EIF3J: variants seen among roughly 807,000 people sequenced by gnomAD.
The protein encoded by EIF3J is eukaryotic translation initiation factor 3, subunit 1 (alpha, 35kD).
In EIF3J, 15 loss-of-function variants were observed where a neutral mutation model predicts 39.0. The observed-to-expected ratio is 0.38, with a 90% CI of 0.26 to 0.59. The LOEUF is 0.59. Among genes scored for constraint, EIF3J ranks in the 20% least tolerant of loss-of-function variants. The probability of loss-of-function intolerance (pLI) is 0.60; values close to 1 mark genes in which losing one functional copy is unlikely to be tolerated. For missense variants in EIF3J, 226 were observed against 308.6 expected (o/e 0.73, Z 2.00); for synonymous variants, 98 against 112.9 (o/e 0.87, Z 0.84).
At chr15:44,542,309 G>A (rs138777671) in intron 2 of EIF3J, among the ~76,000 whole-genome samples, 1 of 151,562 alleles carries the variant, frequency 6.6e-6, no homozygotes, top group African/African-American at 2.4e-5. Context: ...GAACTGCACA[G>A]CTTACAGAAC....
chr15:44,544,097 TC>T (rs1422928876), intron 2 of EIF3J, among the ~76,000 whole-genome samples: 1 of 9,632 alleles, frequency 1.0e-4, no homozygotes, highest in African/African-American at 4.9e-4. Flanking sequence ...TCTTTTCTTT[TC>T]TTTTTTTTTT....
intron 5 of EIF3J, among the ~76,000 whole-genome samples, chr15:44,556,456 C>T (rs909787953): frequency 2.0e-5 from 3 of 151,934 alleles, no homozygotes; most frequent in African/African-American, 7.3e-5. Context: ...ATCCTCCCAC[C>T]TCAGCCTCCC....
intron 5 of EIF3J, among the ~76,000 whole-genome samples, chr15:44,556,731 C>T (rs939219163): frequency 5.9e-5 from 9 of 152,194 alleles, no homozygotes; most frequent in East Asian, 5.8e-4. Context: ...GCTTGTCTCT[C>T]GGACTCCTGA....
intron 4 of EIF3J, among the ~76,000 whole-genome samples, chr15:44,554,270 G>A (rs888851871): frequency 1.3e-5 from 2 of 151,572 alleles, no homozygotes; most frequent in Non-Finnish European, 2.9e-5. Context: ...CCAGCTACTC[G>A]GGAGGCTGAG....
chr15:44,546,365 CTGTA>C (rs2082052907), intron 2 of EIF3J, among the ~76,000 whole-genome samples: 1 of 152,146 alleles, frequency 6.6e-6, no homozygotes, highest in Non-Finnish European at 1.5e-5. Context: ...TGCTTGCAGA[CTGTA>C]TGACAGCCTT....
chr15:44,548,160 G>A (rs1432266863), intron 2 of EIF3J, among the ~76,000 whole-genome samples: 6 of 152,174 alleles, frequency 3.9e-5, no homozygotes, highest in African/African-American at 2.4e-5. Context: ...GGTGGCTCAC[G>A]CCTGCAATCC....
At chr15:44,548,241 C>T (rs1037235292) in intron 2 of EIF3J, among the ~76,000 whole-genome samples, 3 of 152,068 alleles carry the variant, frequency 2.0e-5, no homozygotes, top group African/African-American at 7.2e-5. Context: ...ATGGAGAAAC[C>T]CCGTCTCTAC....
rs576335223 is a variant in EIF3J at position 44,539,980 on chromosome 15, C to T, written c.147+2553C>T. On this transcript the variant is annotated intron_variant, in intron 2 of 7. Transcript: ENST00000261868. ...TTTGAGATAGAGTCTTGCTCTGTCA[C>T]CCAGGCTGGAGTGCCGTGGCACGAT... Among the ~76,000 whole-genome samples, 30 of 147,612 alleles carry T rather than the reference C, an allele frequency of 2.0e-4. No homozygotes were observed. The East Asian group carries it at 5.1e-3, about 25-fold the overall frequency.
chr15:44,557,377 CCTGCTTTAG>C, intron 5 of EIF3J, 103 bp from the exon 6 acceptor site: 1 of 754,238 alleles, frequency 1.3e-6, no homozygotes, highest in South Asian at 4.4e-5. Flanking sequence ...GTTCAGAGCC[CCTGCTTTAG>C]AATGAAACGA....
chr15:44,557,888 T>C (rs1050941076), intron 6 of EIF3J: 2 of 265,454 alleles, frequency 7.5e-6, no homozygotes, highest in Non-Finnish European at 1.4e-5. Context: ...CCCTAAGAGA[T>C]ACCTGGGCTT....
At chr15:44,546,816 C>CGTTTTTTTTTTTTTTTTTTTT (rs2082056503) in intron 2 of EIF3J, among the ~76,000 whole-genome samples, 1 of 78,870 alleles carries the variant, frequency 1.3e-5, no homozygotes, top group African/African-American at 5.1e-5. Context: ...GAGTATAGAT[C>CGTTTTTTTTTTTTTTTTTTTT]TTTTTTTTTT....
chr15:44,554,662 C>G lies in EIF3J; in HGVS notation c.404C>G (p.Thr135Ser). The G allele has an allele frequency of 8.1e-6, 13 of 1,606,632 alleles. No individual in the cohort carries two copies. The highest frequency in any genetic ancestry group is 1.1e-5 in the Non-Finnish European group (13 of 1,175,586). ...TCAGACCTCGAATTAGCAAAGGAAACTTTTGGTAAGACGGGATTATGATTG... is the reference window on the plus strand; with the variant it reads ...TCAGACCTCGAATTAGCAAAGGAAAGTTTTGGTAAGACGGGATTATGATTG... Reference protein sequence around the residue: ...EESDLELAKETFGVNNAVYGI... With the variant: ...EESDLELAKESFGVNNAVYGI... Residue 135 changes from threonine to serine, a missense_variant, in exon 5 of 8, where the codon ACT (threonine) becomes AGT (serine). Physicochemically the swap from Thr to Ser is moderately conservative, Grantham distance 58. This residue lies in a region of EIF3J where 83 missense variants were observed against 152.6 expected (regional missense o/e 0.54). Coordinates refer to ENST00000261868, the MANE Select transcript of EIF3J (RefSeq NM_003758.4).
intron 4 of EIF3J, among the ~76,000 whole-genome samples, chr15:44,552,170 G>C (rs2082104832): frequency 6.6e-6 from 1 of 152,034 alleles, no homozygotes; most frequent in South Asian, 2.1e-4. Context: ...TATAAAAATT[G>C]TTCATTTCTG....
Position 44,540,108 on chromosome 15 carries a change from T to G in EIF3J, c.147+2681T>G, listed in dbSNP as rs1352156302. ...CGCCCACCACCACACCCAGCTAATT[T>G]TTGTATTTTTAGTAGAGACGGGGTT... On this transcript the variant is annotated intron_variant, in intron 2 of 7. Transcript: ENST00000261868. Among the ~76,000 whole-genome samples, 5 of 150,498 alleles carry G rather than the reference T, an allele frequency of 3.3e-5. No individual in the cohort carries two copies. The East Asian group carries it at 5.8e-4, about 18-fold the overall frequency.
intron 5 of EIF3J, 30 bp downstream of exon 5, chr15:44,554,697 A>G: frequency 1.4e-6 from 2 of 1,440,806 alleles, no homozygotes; most frequent in East Asian, 2.3e-5. Context: ...GCAATACAGT[A>G]TTAAACTGTT....
At chr15:44,549,036 A>AT (rs1221115676) in intron 2 of EIF3J, among the ~76,000 whole-genome samples, 1 of 152,158 alleles carries the variant, frequency 6.6e-6, no homozygotes, top group Non-Finnish European at 1.5e-5. Context: ...AGAGATCTAA[A>AT]TAAAAAAAAA....
At chr15:44,542,860 G>T (rs1273842287) in intron 2 of EIF3J, among the ~76,000 whole-genome samples, 1 of 152,194 alleles carries the variant, frequency 6.6e-6, no homozygotes, top group Non-Finnish European at 1.5e-5. Context: ...TATTATAGTT[G>T]AAAGATTAAT....
chr15:44,538,095 C>T (rs1373869475), intron 2 of EIF3J, among the ~76,000 whole-genome samples: 1 of 152,040 alleles, frequency 6.6e-6, no homozygotes, highest in Non-Finnish European at 1.5e-5. Flanking sequence ...ACGACAGTTA[C>T]TCAACTACAC....
rs150920653 is a variant in EIF3J at position 44,547,650 on chromosome 15, A to G, written c.148-3226A>G. On this transcript the variant is annotated intron_variant, in intron 2 of 7. Transcript: ENST00000261868. ...TTTTTAGTAGAGACAGGGTTTCACT[A>G]TGTTGGCCAGGCTGGTCTCAAACTC... 2.3e-3 allele frequency among the ~76,000 whole-genome samples: 346 copies of G among 151,540 alleles called. 2 individuals carry two copies. Among genetic ancestry groups the G allele is most frequent in the African/African-American group, 7.9e-3 (325 of 41,292 alleles).
Sources: allele counts gnomAD v4.1 joint callset (sites outside exome capture counted in the v4.1 genomes callset), GRCh38; gene constraint gnomAD v4.1.1; regional missense constraint gnomAD v4.1.1; transcripts MANE v1.5; gene names NCBI Gene and HGNC (gene_info 2026-07-23, HGNC 2026-07-21).